Variants in PI4KA observed in about 807,000 individuals in gnomAD.
PI4KA encodes phosphatidylinositol 4-kinase alpha, also known as PI4-kinase alpha.
A neutral mutation model predicts 271.4 loss-of-function variants in PI4KA; 122 were observed. The observed-to-expected ratio is 0.45, with a 90% CI of 0.39 to 0.52. PI4KA has a LOEUF of 0.52. Ranked by LOEUF, PI4KA falls within the 20% of genes least tolerant of loss-of-function variation. The pLI, the probability that PI4KA is intolerant of heterozygous loss-of-function variation, is 0.00. For synonymous variants in PI4KA, 1,041 were observed against 1,078.8 expected (o/e 0.96, Z 0.69); for missense variants, 1,969 against 2,769.1 (o/e 0.71, Z 6.48).
intron 19 of PI4KA, chr22:20,779,765 CT>C: frequency 6.2e-7 from 1 of 1,614,222 alleles, no homozygotes; most frequent in Non-Finnish European, 8.5e-7. Context: ...TCGATAACAT[CT>C]TCATAGCACC....
rs1191548365 is a variant in PI4KA at position 20,801,977 on chromosome 22, A to T, written c.1720T>A (p.Cys574Ser). Residue 574 changes from cysteine (C) to serine (S), a missense_variant, in exon 14 of 55, where the codon TGC (cysteine) becomes AGC (serine). By Grantham distance (112) the Cys-to-Ser change is moderately radical (BLOSUM62 -1). Transcript: ENST00000255882. Reference sequence around the variant, plus strand: ...GCCACTTGCCCAGCTTCCCACCTGCAGATGTTGTCAATAGCGATGTCTCGG... The same window carrying T: ...GCCACTTGCCCAGCTTCCCACCTGCTGATGTTGTCAATAGCGATGTCTCGG... ...QLRDIAIDNICRCLKAGLTVD... is the reference protein window; with the variant it reads ...QLRDIAIDNISRCLKAGLTVD... The T allele has an allele frequency of 4.3e-6, 7 of 1,614,078 alleles. No individual in the cohort carries two copies. The highest frequency in any genetic ancestry group is 5.1e-6 in the Non-Finnish European group (6 of 1,180,002).
At chr22:20,763,027 G>GC (rs1555888584) in intron 22 of PI4KA, among the ~76,000 whole-genome samples, 1 of 38,618 alleles carries the variant, frequency 2.6e-5, no homozygotes, top group Admixed American at 2.9e-4. Context: ...TGGGGGGGGG[G>GC]GGGGTTAGAG....
In PI4KA at chr22:20,834,673, G is replaced by T. The variant is rs114850709; in HGVS notation, c.274-18C>A. ...TCTTTGTGCTAAAAAATAATAAGAA[G>T]AATAATAAATTAGATTTAATAAAAT... On this transcript the variant is annotated intron_variant, in intron 2 of 54. Transcript: ENST00000255882. 1.1e-3 allele frequency: 1,670 copies of T among 1,485,088 alleles called. 14 individuals carry two copies. In the African/African-American group the frequency reaches 0.016, roughly 14 times the overall value. 92.0% of individuals were successfully genotyped at this position (1,485,088 alleles called of 1,614,324 possible).
intron 23 of PI4KA, among the ~76,000 whole-genome samples, chr22:20,759,407 T>C (rs564411867): frequency 1.0e-3 from 139 of 135,408 alleles, no homozygotes; most frequent in African/African-American, 2.6e-3. Flanking sequence ...CTTTTCTTTT[T>C]TTTTTTTTTT....
Position 20,824,383 on chromosome 22 carries a change from G to A in PI4KA, c.399C>T (p.Phe133=). 1 of 1,613,356 alleles carries A rather than the reference G, an allele frequency of 6.2e-7. No homozygotes were observed. The highest frequency in any genetic ancestry group is 8.5e-7 in the Non-Finnish European group (1 of 1,179,690). ...GALPVAESFS[F]CLVTLLSDVA... ...CATCAGACAGCAGAGTTACCAAGCA[G>A]AAGCTGAAGCTCTCTGCAACCGGGA... Residue 133 remains phenylalanine, a synonymous_variant, in exon 4 of 55, where the codon TTC becomes TTT. Transcript: ENST00000255882.
chr22:20,845,362 T>C (rs1926103384), intron 1 of PI4KA, among the ~76,000 whole-genome samples: 7 of 152,192 alleles, frequency 4.6e-5, no homozygotes, highest in Admixed American at 4.6e-4. Flanking sequence ...GCTACAATAA[T>C]AGCATTATAA....
intron 28 of PI4KA, among the ~76,000 whole-genome samples, chr22:20,749,467 G>T (rs1568986125): frequency 6.6e-6 from 1 of 152,272 alleles, no homozygotes; most frequent in Non-Finnish European, 1.5e-5. Context: ...TACATGTGCA[G>T]CTTATGTGGA....
chr22:20,717,618 T>A lies in PI4KA; in HGVS notation c.5317+90A>T, dbSNP rs1926167967. 3 of 1,173,930 alleles carry A rather than the reference T, an allele frequency of 2.6e-6. No homozygotes were observed. The African/African-American group carries it at 4.5e-5, about 18-fold the overall frequency. The allele number at this position is 1,173,930 out of a possible 1,614,324, so 72.7% of individuals were successfully genotyped here. A position where few individuals can be genotyped will look rare whatever the true frequency, so the allele number is the denominator to read the frequency against. ...TGGCCAAGCCACTGTGTCCACATCC[T>A]GCAGTGCCTGGAGAGGGCAGCAGCC... On this transcript the variant is annotated intron_variant, in intron 45 of 54. Transcript: ENST00000255882.
chr22:20,818,539 T>C lies in PI4KA; in HGVS notation c.800A>G (p.Glu267Gly). 3 of 1,550,100 alleles carry C rather than the reference T, an allele frequency of 1.9e-6. No homozygotes were observed. The highest frequency in any genetic ancestry group is 2.6e-6 in the Non-Finnish European group (3 of 1,156,232). ...GGAACTGGGAGGGGGCATGCCGCGT[T>C]CAGGGCTGACCTGAAACACACAACC... Reference protein sequence around the residue: ...SVSSISQVSPERGMPPPSSPG... With the variant: ...SVSSISQVSPGRGMPPPSSPG... The change falls in exon 7 of 55, where the codon GAA becomes GGA. Residue 267 changes from glutamate (E) to glycine (G), a missense_variant. Physicochemically the swap from Glu to Gly is moderately conservative, Grantham distance 98. This residue lies in a region of PI4KA where 540 missense variants were observed against 555.5 expected (regional missense o/e 0.97). Coordinates refer to ENST00000255882, the MANE Select transcript of PI4KA (RefSeq NM_058004.4).
At chr22:20,790,813 G>A (rs1255521278) in intron 19 of PI4KA, among the ~76,000 whole-genome samples, 2 of 150,684 alleles carry the variant, frequency 1.3e-5, no homozygotes, top group Non-Finnish European at 2.9e-5. Context: ...GTAAATGCAA[G>A]GACCCATGAT....
At chr22:20,752,678 T>C (rs1930833575) in intron 25 of PI4KA, among the ~76,000 whole-genome samples, 1 of 152,302 alleles carries the variant, frequency 6.6e-6, no homozygotes, top group Admixed American at 6.5e-5. Context: ...GCAAATGTGC[T>C]GTAAGTAACA....
chr22:20,779,069 C>A, intron 19 of PI4KA: 1 of 999,088 alleles, frequency 1.0e-6, no homozygotes, highest in Non-Finnish European at 1.4e-6. Context: ...AAGGGATTTT[C>A]ATCAAGGGGC....
intron 18 of PI4KA, among the ~76,000 whole-genome samples, chr22:20,795,849 G>A (rs1266266705): frequency 2.0e-5 from 3 of 152,126 alleles, no homozygotes; most frequent in Non-Finnish European, 4.4e-5. Flanking sequence ...ATAAAGGCAA[G>A]GACAGAGAGA....
chr22:20,729,470 G>A lies in PI4KA; in HGVS notation c.4525C>T (p.Pro1509Ser). The stretch of plus-strand genomic sequence containing the variant: ...AGTTCCAGTTCCGGGGCTGACAGCG[G>A]GTTGTACCATGTGATGAGACGCTCG... ...EIERLITWYN[P>S]LSAPELELDQ... The change falls in exon 39 of 55, where the codon CCG (proline) becomes TCG (serine). Residue 1509 changes from proline (P) to serine (S), a missense_variant. By Grantham distance (74) the Pro-to-Ser change is moderately conservative (BLOSUM62 -1). This residue lies in a region of PI4KA where 388 missense variants were observed against 521.5 expected (regional missense o/e 0.74). Coordinates refer to ENST00000255882, the MANE Select transcript of PI4KA (RefSeq NM_058004.4). 1 of 1,608,326 alleles carries A rather than the reference G, an allele frequency of 6.2e-7. No homozygotes were observed. The highest frequency in any genetic ancestry group is 8.5e-7 in the Non-Finnish European group (1 of 1,177,072).
rs118040723 is a variant in PI4KA at position 20,761,458 on chromosome 22, A to G, written c.2709-72T>C. ...CCCTATCACAGATTTGACACTGCCCATAAGTGGTAAGGATGTGAAGAACAT... is the reference window on the plus strand; with the variant it reads ...CCCTATCACAGATTTGACACTGCCCGTAAGTGGTAAGGATGTGAAGAACAT... On this transcript the variant is annotated intron_variant, in intron 22 of 54. Transcript: ENST00000255882. The G allele has an allele frequency of 1.8e-3, 1,606 of 875,504 alleles. 30 individuals are homozygous for G. In the East Asian group the frequency reaches 0.035, roughly 19 times the overall value. The allele number at this position is 875,504 out of a possible 1,614,324, so 54.2% of individuals were successfully genotyped here.
intron 7 of PI4KA, among the ~76,000 whole-genome samples, chr22:20,817,502 A>C (rs1422059486): frequency 3.3e-5 from 5 of 151,820 alleles, no homozygotes; most frequent in Admixed American, 2.6e-4. Context: ...TTGAGAGACC[A>C]AGGCAGGCGT....
intron 29 of PI4KA, among the ~76,000 whole-genome samples, chr22:20,745,833 CA>C (rs1231057672): frequency 6.6e-6 from 1 of 151,924 alleles, no homozygotes; most frequent in African/African-American, 2.4e-5. Flanking sequence ...CCTGGCATGG[CA>C]AACAGCACCT....
At chr22:20,713,012 G>A in intron 48 of PI4KA, 2 of 616,902 alleles carry the variant, frequency 3.2e-6, no homozygotes, top group South Asian at 2.0e-5. Context: ...ATGAGGCTGA[G>A]CTGTCTGGTG....
chr22:20,740,171 C>T (rs1601378939), intron 32 of PI4KA, among the ~76,000 whole-genome samples: 1 of 147,894 alleles, frequency 6.8e-6, no homozygotes, highest in Non-Finnish European at 1.5e-5. Flanking sequence ...GTTTTCTAGA[C>T]CTGAGAATTG....
Sources: gnomAD v4.1 joint callset for allele counts (sites outside exome capture counted in the v4.1 genomes callset) on GRCh38, gnomAD v4.1.1 for gene constraint, gnomAD v4.1.1 regional missense constraint, MANE v1.5 for transcripts, NCBI Gene and HGNC (gene_info 2026-07-23, HGNC 2026-07-21) for gene names.